The following TTC23L variants were observed in gnomAD, a reference collection of about 807,000 sequenced individuals.
TTC23L encodes tetratricopeptide repeat domain 23 like.
Under a neutral mutation model 48.1 loss-of-function variants are expected in TTC23L, and 42 were observed. The ratio of observed to expected loss-of-function variants is 0.87; its 90% CI spans 0.68 to 1.13. The LOEUF is 1.13. Ranked by LOEUF, TTC23L falls within the 50% of genes most tolerant of loss-of-function variation. The pLI is 0.00. For missense variants in TTC23L, 391 were observed against 421.0 expected (o/e 0.93, Z 0.62); for synonymous variants, 159 against 157.2 (o/e 1.01, Z -0.09).
intron 9 of TTC23L, among the ~76,000 whole-genome samples, chr5:34,887,435 A>G (rs1762609016): frequency 6.6e-6 from 1 of 152,300 alleles, no homozygotes; most frequent in Admixed American, 6.5e-5. Flanking sequence ...ATAAAATTCA[A>G]ATCCACACTG....
At chr5:34,882,883 T>C (rs923112875) in intron 9 of TTC23L, among the ~76,000 whole-genome samples, 2 of 151,692 alleles carry the variant, frequency 1.3e-5, no homozygotes, top group Non-Finnish European at 2.9e-5. Context: ...TGTAAAAAAA[T>C]TAAAGAATTA....
chr5:34,850,315 G>A lies in TTC23L; in HGVS notation c.379+7G>A. The A allele has an allele frequency of 6.2e-7, 1 of 1,613,270 alleles. No homozygotes were observed. The highest frequency in any genetic ancestry group is 1.7e-5 in the Admixed American group (1 of 59,986). On this transcript the variant is annotated splice_region_variant and intron_variant, in intron 4 of 10. Transcript: ENST00000505624. ...GGCTACTTGACACTGAGAGGTACTT[G>A]GTTTTCCCAGCTGGGTTTGGGTGGC... is the stretch of plus-strand genomic sequence containing the variant.
chr5:34,855,076 G>C (rs1420237048), intron 4 of TTC23L, among the ~76,000 whole-genome samples: 1 of 152,194 alleles, frequency 6.6e-6, no homozygotes, highest in Non-Finnish European at 1.5e-5. Context: ...GCATAAGGAA[G>C]GAAAGTGCCA....
intron 9 of TTC23L, among the ~76,000 whole-genome samples, chr5:34,887,153 G>T (rs1762591496): frequency 6.6e-6 from 1 of 152,110 alleles, no homozygotes; most frequent in Non-Finnish European, 1.5e-5. Context: ...TGATTTCAGG[G>T]TAACCTAATG....
chr5:34,901,880 C>T (rs919159517), downstream of TTC23L, among the ~76,000 whole-genome samples: 1 of 152,142 alleles, frequency 6.6e-6, no homozygotes, highest in Admixed American at 6.5e-5. Context: ...TCTTTCCATC[C>T]CACTCTGCTG....
intron 4 of TTC23L, among the ~76,000 whole-genome samples, chr5:34,852,172 A>G (rs1250197368): frequency 2.6e-5 from 4 of 152,204 alleles, no homozygotes; most frequent in Non-Finnish European, 5.9e-5. Context: ...GGCGTGAGCC[A>G]TGGCACCTGG....
At chr5:34,861,912 G>A (rs1760693911) in intron 4 of TTC23L, among the ~76,000 whole-genome samples, 1 of 152,136 alleles carries the variant, frequency 6.6e-6, no homozygotes, top group Non-Finnish European at 1.5e-5. Flanking sequence ...ACAAATAGCA[G>A]CTTGAGTAAG....
the TTC23L span, chr5:34,922,346 C>T: frequency 8.7e-7 from 1 of 1,143,518 alleles, no homozygotes; most frequent in East Asian, 2.4e-5. Context: ...TTCTTTGTAC[C>T]TTTTATGTTA....
intron 9 of TTC23L, among the ~76,000 whole-genome samples, chr5:34,881,531 T>C (rs1231649754): frequency 6.6e-6 from 1 of 152,198 alleles, no homozygotes; most frequent in African/African-American, 2.4e-5. Context: ...AGATTTGACA[T>C]GGTCTTATTG....
At chr5:34,866,863 ACTTT>A in intron 6 of TTC23L, 25 bp from the exon 7 acceptor site, 2 of 1,545,212 alleles carry the variant, frequency 1.3e-6, no homozygotes, top group African/African-American at 1.4e-5. Context: ...CCTCTCTGTG[ACTTT>A]CTATTTTCAT....
At chr5:34,848,617 G>C (rs528420589) in intron 3 of TTC23L, among the ~76,000 whole-genome samples, 4 of 152,146 alleles carry the variant, frequency 2.6e-5, no homozygotes, top group Non-Finnish European at 5.9e-5. Context: ...GCCAAAAAAG[G>C]CCTGTTGATA....
chr5:34,840,555 G>A, intron 1 of TTC23L, 110 bp from the exon 2 acceptor site: 1 of 875,312 alleles, frequency 1.1e-6, no homozygotes, highest in Non-Finnish European at 1.9e-6. Context: ...TTTAGGATGG[G>A]TTATATATTT....
At chr5:34,842,139 G>A (rs1012538252) in intron 2 of TTC23L, among the ~76,000 whole-genome samples, 2 of 152,124 alleles carry the variant, frequency 1.3e-5, no homozygotes, top group African/African-American at 2.4e-5. Context: ...ATATTAAAAG[G>A]TGAAATGAAA....
intron 9 of TTC23L, among the ~76,000 whole-genome samples, chr5:34,881,198 T>G (rs1169047052): frequency 1.3e-5 from 2 of 152,252 alleles, no homozygotes; most frequent in African/African-American, 4.8e-5. Flanking sequence ...TTTAATATTT[T>G]AAGTCAAAAT....
chr5:34,925,012 CA>C, the TTC23L span: 1 of 1,589,764 alleles, frequency 6.3e-7, no homozygotes, highest in Non-Finnish European at 8.5e-7. Flanking sequence ...TTCAATGTAC[CA>C]GAACCCTTTG....
At chr5:34,866,966 C>T (rs1156938682) in exon 7 of TTC23L, 2 of 1,610,634 alleles carry the variant, frequency 1.2e-6, no homozygotes, top group Non-Finnish European at 1.7e-6. Flanking sequence ...GTTATTGCTG[C>T]CAAGGGTGAT....
the TTC23L span, chr5:34,925,142 A>G: frequency 6.9e-7 from 1 of 1,454,096 alleles, no homozygotes; most frequent in Non-Finnish European, 9.1e-7. Flanking sequence ...GAAAGGATAT[A>G]TGGTTCATAA....
rs574934163 is a variant in TTC23L, at chr5:34,886,344, C to T, written c.1077+6036C>T. ...AGGGAACAGAACCAGCATGCTCCTT[C>T]GGAATTGCCAGGCTGATTTAAAAAA... On this transcript the variant is annotated intron_variant, in intron 9 of 10. Coordinates refer to ENST00000505624, the Ensembl canonical transcript of TTC23L. 2.5e-4 allele frequency among the ~76,000 whole-genome samples: 33 copies of T among 134,106 alleles called. No homozygotes were observed. The South Asian group carries it at 5.0e-3, about 20-fold the overall frequency. The allele number at this position is 134,106 out of a possible 152,430, so 88.0% of individuals were successfully genotyped here.
At chr5:34,913,865 G>A in the TTC23L span, 1 of 474,396 alleles carries the variant, frequency 2.1e-6, no homozygotes, top group Non-Finnish European at 4.1e-6. Context: ...TAATGCATGA[G>A]CAACATTAGT....
Sources: allele counts gnomAD v4.1 joint callset (sites outside exome capture counted in the v4.1 genomes callset), GRCh38; gene constraint gnomAD v4.1.1; transcripts MANE v1.5; gene names NCBI Gene and HGNC (gene_info 2026-07-23, HGNC 2026-07-21).